Variants in ENTREP2 observed in about 807,000 individuals in gnomAD.
ENTREP2 encodes the protein protein ENTREP2.
At chr15:29,478,010 TATA>T in the ENTREP2 span, among the ~76,000 whole-genome samples, 2,056 of 76,892 alleles carry the variant, frequency 0.027, 45 homozygotes, top group Non-Finnish European at 0.037. Context: ...TATATATATA[TATA>T]TATATATTTT....
At chr15:29,655,554 A>C in the ENTREP2 span, among the ~76,000 whole-genome samples, 1 of 152,234 alleles carries the variant, frequency 6.6e-6, no homozygotes, top group Non-Finnish European at 1.5e-5. Context: ...CAAGAGAGCC[A>C]GACTTAGATA....
chr15:29,571,135 A>G, the ENTREP2 span, among the ~76,000 whole-genome samples: 15 of 151,552 alleles, frequency 9.9e-5, no homozygotes, highest in East Asian at 2.9e-3. Flanking sequence ...GGGACCCGGG[A>G]GCCGGGAGAG....
chr15:29,348,557 G>A, the ENTREP2 span, among the ~76,000 whole-genome samples: 13 of 152,182 alleles, frequency 8.5e-5, no homozygotes, highest in Non-Finnish European at 5.9e-5. Context: ...TAGCCTGAGA[G>A]AATGTGGAGT....
chr15:29,407,561 T>C, the ENTREP2 span, among the ~76,000 whole-genome samples: 253 of 151,992 alleles, frequency 1.7e-3, 2 homozygotes, highest in Non-Finnish European at 2.3e-3. Context: ...CCCAGGGAAG[T>C]CCCTAGGAGC....
the ENTREP2 span, chr15:29,195,356 A>G: frequency 1.0e-6 from 1 of 982,884 alleles, no homozygotes; most frequent in Non-Finnish European, 1.2e-6. Context: ...ACAAGCACTC[A>G]AGGTCAACGC....
At chr15:29,118,773 T>A in the ENTREP2 span, among the ~76,000 whole-genome samples, 1 of 150,100 alleles carries the variant, frequency 6.7e-6, no homozygotes, top group Non-Finnish European at 1.5e-5. Context: ...GCAGCCTGTC[T>A]AGAGTGACAA....
the ENTREP2 span, among the ~76,000 whole-genome samples, chr15:29,227,732 C>T: frequency 2.6e-5 from 4 of 152,274 alleles, no homozygotes; most frequent in South Asian, 8.3e-4. Flanking sequence ...CCTGGGGAGA[C>T]TGTTTTAAAC....
At chr15:29,508,080 C>A in the ENTREP2 span, among the ~76,000 whole-genome samples, 20 of 152,156 alleles carry the variant, frequency 1.3e-4, no homozygotes, top group African/African-American at 4.8e-4. Flanking sequence ...ACCACTGACC[C>A]CACAGAAACA....
At chr15:29,409,082 A>T in the ENTREP2 span, among the ~76,000 whole-genome samples, 1 of 152,204 alleles carries the variant, frequency 6.6e-6, no homozygotes, top group African/African-American at 2.4e-5. Context: ...ATTTGTTCAA[A>T]CTAGCTTCCA....
At chr15:29,593,809 G>T in the ENTREP2 span, among the ~76,000 whole-genome samples, 1 of 152,204 alleles carries the variant, frequency 6.6e-6, no homozygotes, top group Non-Finnish European at 1.5e-5. Context: ...TTATGGAAGG[G>T]TGTGGTGAGT....
chr15:29,620,743 G>A, the ENTREP2 span, among the ~76,000 whole-genome samples: 19 of 152,136 alleles, frequency 1.2e-4, no homozygotes, highest in Non-Finnish European at 1.6e-4. Flanking sequence ...CATGGAAACT[G>A]CCTGGCTGTT....
At chr15:29,535,057 C>T in the ENTREP2 span, among the ~76,000 whole-genome samples, 1 of 151,390 alleles carries the variant, frequency 6.6e-6, no homozygotes, top group Non-Finnish European at 1.5e-5. Context: ...ACAGCCTGGG[C>T]AACACAGGGA....
chr15:29,474,095 G>A, the ENTREP2 span, among the ~76,000 whole-genome samples: 2 of 152,170 alleles, frequency 1.3e-5, no homozygotes, highest in South Asian at 2.1e-4. Flanking sequence ...AGTTACAGAC[G>A]GGCTTGCGAC....
the ENTREP2 span, among the ~76,000 whole-genome samples, chr15:29,416,709 C>CA: frequency 6.6e-6 from 1 of 152,212 alleles, no homozygotes; most frequent in East Asian, 1.9e-4. Flanking sequence ...AGTGAACAGG[C>CA]AACCTACAGA....
chr15:29,294,308 C>G, the ENTREP2 span, among the ~76,000 whole-genome samples: 3 of 152,190 alleles, frequency 2.0e-5, no homozygotes, highest in Non-Finnish European at 4.4e-5. Flanking sequence ...GTGGCCAGAG[C>G]CCAGAAGGAA....
the ENTREP2 span, among the ~76,000 whole-genome samples, chr15:29,212,323 C>T: frequency 3.2e-4 from 48 of 152,160 alleles, no homozygotes; most frequent in African/African-American, 1.2e-3. Flanking sequence ...AGTTGTAATA[C>T]CTCCCCCGTT....
the ENTREP2 span, among the ~76,000 whole-genome samples, chr15:29,204,579 C>T: frequency 1.3e-5 from 2 of 152,094 alleles, no homozygotes; most frequent in African/African-American, 4.8e-5. Context: ...GTCCTAACTG[C>T]CATGGAGTGA....
the ENTREP2 span, among the ~76,000 whole-genome samples, chr15:29,392,618 G>A: frequency 6.6e-6 from 1 of 152,042 alleles, no homozygotes; most frequent in East Asian, 1.9e-4. Context: ...TTAGTATTCT[G>A]AACTTTTTGC....
At chr15:29,184,790 G>GC in the ENTREP2 span, among the ~76,000 whole-genome samples, 2 of 152,166 alleles carry the variant, frequency 1.3e-5, no homozygotes, top group African/African-American at 4.8e-5. Context: ...CTGTCCTGTG[G>GC]CCCCTCTCAC....
Sources: gnomAD v4.1 joint callset for allele counts (sites outside exome capture counted in the v4.1 genomes callset) on GRCh38, gnomAD v4.1.1 for gene constraint, MANE v1.5 for transcripts, NCBI Gene and HGNC (gene_info 2026-07-23, HGNC 2026-07-21) for gene names.